RALA: variants seen among roughly 807,000 people sequenced by gnomAD.
RALA encodes the protein RAS like proto-oncogene A, also known as ras-related protein Ral-A.
A neutral mutation model predicts 24.0 loss-of-function variants in RALA; 5 were observed. The ratio of observed to expected loss-of-function variants is 0.21; its 90% CI spans 0.11 to 0.44. The LOEUF is 0.44. Ranked by LOEUF, RALA falls within the 20% of genes least tolerant of loss-of-function variation. The pLI is 0.99. For missense variants in RALA, 95 were observed against 241.2 expected (o/e 0.39, Z 4.01); for synonymous variants, 77 against 83.8 (o/e 0.92, Z 0.44).
At chr7:39,628,062 C>G (rs1791524561) in intron 1 of RALA, among the ~76,000 whole-genome samples, 1 of 151,352 alleles carries the variant, frequency 6.6e-6, no homozygotes, top group African/African-American at 2.4e-5. Flanking sequence ...TTCTGGAATG[C>G]TAGTGTTTGT....
intron 1 of RALA, among the ~76,000 whole-genome samples, chr7:39,656,533 C>T (rs1038025565): frequency 2.6e-5 from 4 of 152,204 alleles, no homozygotes; most frequent in African/African-American, 9.6e-5. Context: ...AACCAGAATG[C>T]CTTGTTGTTA....
At chr7:39,671,613 A>AC (rs1792389391) in intron 1 of RALA, among the ~76,000 whole-genome samples, 1 of 152,156 alleles carries the variant, frequency 6.6e-6, no homozygotes, top group South Asian at 2.1e-4. Flanking sequence ...ATAAAACTCG[A>AC]CCCTTCATTA....
At chr7:39,648,181 G>A (rs1401904860) in intron 1 of RALA, among the ~76,000 whole-genome samples, 2 of 152,160 alleles carry the variant, frequency 1.3e-5, no homozygotes, top group African/African-American at 4.8e-5. Flanking sequence ...CCTGGGTTCA[G>A]TCCTCTCATT....
At chr7:39,649,363 T>C (rs538020122) in intron 1 of RALA, among the ~76,000 whole-genome samples, 2 of 152,332 alleles carry the variant, frequency 1.3e-5, no homozygotes, top group South Asian at 2.1e-4. Context: ...AATGTTTGTG[T>C]TGCCTCCAAA....
At chr7:39,657,803 C>G (rs541279492) in intron 1 of RALA, among the ~76,000 whole-genome samples, 1 of 152,314 alleles carries the variant, frequency 6.6e-6, no homozygotes, top group African/African-American at 2.4e-5. Context: ...ATTCTGCTTC[C>G]AACCACTAGT....
chr7:39,667,465 G>A (rs1237355633), intron 1 of RALA, among the ~76,000 whole-genome samples: 1 of 152,236 alleles, frequency 6.6e-6, no homozygotes, highest in African/African-American at 2.4e-5. Flanking sequence ...GAAGACAGAA[G>A]ACAGATGGTG....
At chr7:39,696,964 T>A in intron 4 of RALA, 105 bp downstream of exon 4, 1 of 1,106,462 alleles carries the variant, frequency 9.0e-7, no homozygotes, top group Non-Finnish European at 1.3e-6. Flanking sequence ...AATAGAGGTT[T>A]AATCCTTGTT....
At chr7:39,649,413 G>C (rs78437851) in intron 1 of RALA, among the ~76,000 whole-genome samples, 9,430 of 152,270 alleles carry the variant, frequency 0.062, 385 homozygotes, top group Non-Finnish European at 0.087. Context: ...ACAATATTAA[G>C]AGATGGTGCC....
intron 1 of RALA, among the ~76,000 whole-genome samples, chr7:39,674,471 C>A (rs1792444258): frequency 6.6e-6 from 1 of 152,156 alleles, no homozygotes; most frequent in Non-Finnish European, 1.5e-5. Context: ...TAGATTCTAT[C>A]TGTTAACATT....
At position 39,690,642 on chromosome 7, in the gene RALA, TC is replaced by T. The variant is rs764242576; in HGVS notation, c.323+56del. The T allele has an allele frequency of 2.8e-6, 4 of 1,406,410 alleles. No individual in the cohort carries two copies. The African/African-American group carries it at 4.3e-5, about 15-fold the overall frequency. The allele number at this position is 1,406,410 out of a possible 1,614,324, so 87.1% of individuals were successfully genotyped here. A position where few individuals can be genotyped will look rare whatever the true frequency, so the allele number is the denominator to read the frequency against. ...TGTGACATACTATACAACAATTTCT[TC>T]CCCAGAAACAAGTAGACAACTAGAG... On this transcript the variant is annotated intron_variant, in intron 3 of 4. Transcript: ENST00000005257.
At position 39,667,654 on chromosome 7, in the gene RALA, C is replaced by G. The variant is rs549759077; in HGVS notation, c.-37-18977C>G. 5.3e-5 allele frequency among the ~76,000 whole-genome samples: 8 copies of G among 152,322 alleles called. No individual in the cohort carries two copies. The East Asian group carries it at 1.3e-3, about 26-fold the overall frequency. ...TAATTAAAGGAATATAAGTGAAAAG[C>G]TAGCTTGATATCCTGCCCACACAAC... On this transcript the variant is annotated intron_variant, in intron 1 of 4. Coordinates refer to ENST00000005257, the MANE Select transcript of RALA (RefSeq NM_005402.4).
intron 1 of RALA, among the ~76,000 whole-genome samples, chr7:39,647,998 G>A (rs978487839): frequency 1.3e-5 from 2 of 152,122 alleles, no homozygotes; most frequent in South Asian, 2.1e-4. Context: ...GTTTCATTTT[G>A]TTTCAACAAC....
chr7:39,647,825 T>TG (rs1192278493), intron 1 of RALA, among the ~76,000 whole-genome samples: 1 of 152,200 alleles, frequency 6.6e-6, no homozygotes, highest in African/African-American at 2.4e-5. Flanking sequence ...ACCTTGATCT[T>TG]GGACTTCCCA....
At chr7:39,672,102 C>G (rs538219054) in intron 1 of RALA, among the ~76,000 whole-genome samples, 1 of 151,916 alleles carries the variant, frequency 6.6e-6, no homozygotes, top group African/African-American at 2.4e-5. Context: ...AAGAAAAATA[C>G]TCATCAAAAA....
chr7:39,642,865 T>A (rs1476656400), intron 1 of RALA, among the ~76,000 whole-genome samples: 1 of 152,242 alleles, frequency 6.6e-6, no homozygotes, highest in Non-Finnish European at 1.5e-5. Context: ...CGTAAAACTT[T>A]CCCACTGGTT....
At chr7:39,686,061 C>A (rs1270584604) in intron 1 of RALA, among the ~76,000 whole-genome samples, 3 of 152,084 alleles carry the variant, frequency 2.0e-5, no homozygotes, top group Non-Finnish European at 4.4e-5. Flanking sequence ...CAAAAGCTAG[C>A]CAAGCATGGT....
intron 4 of RALA, among the ~76,000 whole-genome samples, chr7:39,705,106 T>C (rs550196135): frequency 6.6e-6 from 1 of 152,230 alleles, no homozygotes; most frequent in South Asian, 2.1e-4. Context: ...ATTATTAGGG[T>C]TTGGTTTATT....
chr7:39,668,851 C>T (rs1192599271), intron 1 of RALA, among the ~76,000 whole-genome samples: 2 of 150,628 alleles, frequency 1.3e-5, no homozygotes. Context: ...CGCAGTGGCT[C>T]ACGCCTGTAA....
Position 39,637,204 on chromosome 7 carries a change from T to C in RALA, c.-38+13379T>C, listed in dbSNP as rs17171609. Reference sequence around the variant, plus strand: ...CTACATAATTGAGGAGTCCCAGTTATAGCCAAAGTAACCCAAAATGATGCT... The same window carrying C: ...CTACATAATTGAGGAGTCCCAGTTACAGCCAAAGTAACCCAAAATGATGCT... On this transcript the variant is annotated intron_variant, in intron 1 of 4. Transcript: ENST00000005257. 3.8e-3 allele frequency among the ~76,000 whole-genome samples: 576 copies of C among 152,358 alleles called. 4 individuals carry two copies. The highest frequency in any genetic ancestry group is 0.013 in the African/African-American group (558 of 41,588).
Sources: allele counts gnomAD v4.1 joint callset (sites outside exome capture counted in the v4.1 genomes callset), GRCh38; gene constraint gnomAD v4.1.1; transcripts MANE v1.5; gene names NCBI Gene and HGNC (gene_info 2026-07-23, HGNC 2026-07-21).